PDIA6: variants seen among roughly 807,000 people sequenced by gnomAD.
PDIA6 encodes the protein protein disulfide-isomerase A6.
In PDIA6, 29 loss-of-function variants were observed where a neutral mutation model predicts 58.4. That is an observed-to-expected ratio of 0.50 (90% CI 0.37 to 0.68). PDIA6 has a LOEUF of 0.68. PDIA6 is among the 30% of genes least tolerant of loss of function. The pLI is 0.00. For synonymous variants in PDIA6, 192 were observed against 202.6 expected (o/e 0.95, Z 0.44); for missense variants, 480 against 551.0 (o/e 0.87, Z 1.29).
At chr2:10,812,291 C>T (rs3821189) in intron 1 of PDIA6, among the ~76,000 whole-genome samples, 41 of 152,170 alleles carry the variant, frequency 2.7e-4, no homozygotes, top group East Asian at 2.3e-3. Flanking sequence ...CGCCAACCTC[C>T]GTCCCCACGC....
At chr2:10,784,866 A>G (rs1294778494) in intron 12 of PDIA6, 68 bp downstream of exon 12, 1 of 1,156,448 alleles carries the variant, frequency 8.6e-7, no homozygotes, top group Non-Finnish European at 1.3e-6. Context: ...CTCCAGGTGC[A>G]GAGATGCACA....
chr2:10,830,265 G>A (rs1262093603), intron 1 of PDIA6, among the ~76,000 whole-genome samples: 1 of 152,230 alleles, frequency 6.6e-6, no homozygotes, highest in African/African-American at 2.4e-5. Flanking sequence ...ATGAATGAAT[G>A]AATGTTGGAA....
chr2:10,804,073 T>A (rs1182989562), intron 1 of PDIA6, among the ~76,000 whole-genome samples: 1 of 151,888 alleles, frequency 6.6e-6, no homozygotes, highest in African/African-American at 2.4e-5. Context: ...CACGCCTGGC[T>A]AATTTTTTGT....
At chr2:10,832,467 G>A (rs565525857) in exon 1 of PDIA6, 2 of 985,030 alleles carry the variant, frequency 2.0e-6, no homozygotes, top group African/African-American at 1.7e-5. Flanking sequence ...ACCTAACCTT[G>A]CAGCGGGCAC....
chr2:10,797,786 C>A, intron 2 of PDIA6, 29 bp from the exon 3 acceptor site: 2 of 1,563,818 alleles, frequency 1.3e-6, no homozygotes, highest in Non-Finnish European at 1.7e-6. Context: ...ACAAAGCAAC[C>A]ATTAAAGCCT....
intron 1 of PDIA6, among the ~76,000 whole-genome samples, chr2:10,829,921 C>T (rs951383978): frequency 2.6e-5 from 4 of 152,166 alleles, no homozygotes; most frequent in Non-Finnish European, 4.4e-5. Context: ...CATGCCTTCG[C>T]GAGGTGGCAG....
chr2:10,823,856 C>A (rs890134229), intron 1 of PDIA6, among the ~76,000 whole-genome samples: 13 of 151,086 alleles, frequency 8.6e-5, no homozygotes, highest in Admixed American at 6.6e-4. Context: ...AGGTTATACT[C>A]CCTCCCTGGG....
At chr2:10,790,592 T>G in intron 7 of PDIA6, 127 bp downstream of exon 7, 1 of 662,142 alleles carries the variant, frequency 1.5e-6, no homozygotes, top group Non-Finnish European at 2.6e-6. Flanking sequence ...TAAAGTGACT[T>G]TATCTCTTCA....
chr2:10,790,548 C>G (rs1220447699), intron 7 of PDIA6, among the ~76,000 whole-genome samples, 171 bp downstream of exon 7: 1 of 152,224 alleles, frequency 6.6e-6, no homozygotes, highest in African/African-American at 2.4e-5. Flanking sequence ...GAAAAGTTGA[C>G]AGTCCTGAGT....
chr2:10,815,211 C>A (rs1686501), upstream of PDIA6, among the ~76,000 whole-genome samples: 1 of 152,104 alleles, frequency 6.6e-6, no homozygotes, highest in Non-Finnish European at 1.5e-5. Flanking sequence ...CACAGGCTTC[C>A]GGAAATGCAC....
chr2:10,797,655 G>A (rs748033760), intron 3 of PDIA6, 45 bp downstream of exon 3: 1 of 1,414,052 alleles, frequency 7.1e-7, no homozygotes, highest in East Asian at 2.3e-5. Context: ...GAAACTTACT[G>A]TAAAAAAAAG....
chr2:10,823,380 G>A (rs916453758), intron 1 of PDIA6: 1 of 152,182 alleles, frequency 6.6e-6, no homozygotes, highest in African/African-American at 2.4e-5. Flanking sequence ...TCCAATCCTT[G>A]TTATGGCTCA....
chr2:10,805,252 C>A (rs1478173955), intron 1 of PDIA6, among the ~76,000 whole-genome samples: 1 of 136,372 alleles, frequency 7.3e-6, no homozygotes, highest in Non-Finnish European at 1.6e-5. Context: ...GGGCGAAGGA[C>A]ATGAACAGAC....
At chr2:10,823,473 T>C (rs1106186) in intron 1 of PDIA6, 111,846 of 152,262 alleles carry the variant, frequency 0.73, 42,150 homozygotes, top group African/African-American at 0.91. Flanking sequence ...AGCGAACACT[T>C]TGTCATCTGT....
intron 1 of PDIA6, among the ~76,000 whole-genome samples, chr2:10,809,560 G>C (rs1287727170): frequency 1.4e-5 from 2 of 147,576 alleles, no homozygotes; most frequent in South Asian, 2.3e-4. Context: ...GCTCGGTATG[G>C]TAGGGTGCAT....
upstream of PDIA6, among the ~76,000 whole-genome samples, chr2:10,816,077 C>CTTTTTTTTTTTTTTTTTTTTTTTT (rs57404091): frequency 2.1e-5 from 2 of 96,472 alleles, no homozygotes; most frequent in African/African-American, 9.0e-5. Flanking sequence ...AATCATTTGT[C>CTTTTTTTTTTTTTTTTTTTTTTTT]TTTTTTTTTT....
intron 2 of PDIA6, among the ~76,000 whole-genome samples, chr2:10,818,480 TA>T (rs1265315397): frequency 6.5e-5 from 5 of 76,774 alleles, no homozygotes; most frequent in South Asian, 3.9e-4. Context: ...TTTAACCATT[TA>T]ATTTATTTAT....
At chr2:10,785,125 T>C (rs1349633856) in intron 11 of PDIA6, 95 bp from the exon 12 acceptor site, 1 of 845,392 alleles carries the variant, frequency 1.2e-6, no homozygotes, top group Non-Finnish European at 1.9e-6. Flanking sequence ...CTGCCTACTT[T>C]GTTTATGCAG....
chr2:10,824,596 T>G (rs988397289), intron 1 of PDIA6, among the ~76,000 whole-genome samples: 1 of 152,026 alleles, frequency 6.6e-6, no homozygotes, highest in African/African-American at 2.4e-5. Flanking sequence ...GCTAGAAGAG[T>G]GGCATTTGCT....
Sources: allele counts gnomAD v4.1 joint callset (sites outside exome capture counted in the v4.1 genomes callset), GRCh38; gene constraint gnomAD v4.1.1; transcripts MANE v1.5; gene names NCBI Gene and HGNC (gene_info 2026-07-23, HGNC 2026-07-21).